The following PCSK5 variants were observed in gnomAD, a reference collection of about 807,000 sequenced individuals.
The protein encoded by PCSK5 is prohormone convertase 5.
Under a neutral mutation model 233.2 loss-of-function variants are expected in PCSK5, and 129 were observed. The ratio of observed to expected loss-of-function variants is 0.55; its 90% confidence interval spans 0.48 to 0.64. PCSK5 has a LOEUF of 0.64. PCSK5 is among the 30% of genes least tolerant of loss of function. PCSK5 has a pLI of 0.00. For missense variants in PCSK5, 2,076 were observed against 2,430.1 expected (o/e 0.85, Z 3.06); for synonymous variants, 825 against 879.2 (o/e 0.94, Z 1.09).
intron 7 of PCSK5, among the ~76,000 whole-genome samples, chr9:76,079,118 C>T (rs1014458837): frequency 2.4e-4 from 36 of 150,600 alleles, no homozygotes; most frequent in Non-Finnish European, 3.7e-4. Context: ...TTTTTTAAAT[C>T]GAGATGGAGT....
At chr9:75,969,812 C>A (rs1313054261) in intron 2 of PCSK5, among the ~76,000 whole-genome samples, 1 of 151,938 alleles carries the variant, frequency 6.6e-6, no homozygotes, top group African/African-American at 2.4e-5. Context: ...CTGAGGTCAC[C>A]CTACTTTGCA....
At position 76,323,302 on chromosome 9, in the gene PCSK5, G is replaced by A; in HGVS notation, c.4339+14G>A. The A allele has an allele frequency of 1.3e-6, 2 of 1,502,306 alleles. No homozygotes were observed. Among genetic ancestry groups the A allele is most frequent in the Non-Finnish European group, 1.8e-6 (2 of 1,081,490 alleles). The allele number at this position is 1,502,306 out of a possible 1,614,324, so 93.1% of individuals were successfully genotyped here. On this transcript the variant is annotated intron_variant, in intron 32 of 37. Coordinates refer to ENST00000674117, the MANE Select transcript of PCSK5 (RefSeq NM_001372043.1). The stretch of plus-strand genomic sequence containing the variant: ...AGGAGTGCAGAGGTAAAGACTTCTG[G>A]GATTCAAAATAGGCTCCGGGGTTTG...
intron 35 of PCSK5, among the ~76,000 whole-genome samples, chr9:76,339,084 T>C (rs898404455): frequency 2.0e-5 from 3 of 151,692 alleles, no homozygotes; most frequent in Admixed American, 6.6e-5. Flanking sequence ...AGCCAGCAGG[T>C]CACCCCAACT....
intron 2 of PCSK5, among the ~76,000 whole-genome samples, chr9:75,955,276 A>T (rs980412053): frequency 6.6e-6 from 1 of 152,124 alleles, no homozygotes; most frequent in Non-Finnish European, 1.5e-5. Context: ...TTCTGACAAA[A>T]ATATAGAGCA....
At chr9:76,294,386 A>C (rs1275206788) in intron 25 of PCSK5, among the ~76,000 whole-genome samples, 1 of 152,144 alleles carries the variant, frequency 6.6e-6, no homozygotes, top group Non-Finnish European at 1.5e-5. Flanking sequence ...ACGTACATAA[A>C]AATATTTATA....
intron 24 of PCSK5, among the ~76,000 whole-genome samples, chr9:76,245,165 T>C (rs1039812648): frequency 1.3e-5 from 2 of 152,196 alleles, no homozygotes; most frequent in Non-Finnish European, 2.9e-5. Flanking sequence ...GACTTGATGA[T>C]TGATTTTAAT....
chr9:75,967,433 T>G (rs149784843), intron 2 of PCSK5, among the ~76,000 whole-genome samples: 55 of 152,328 alleles, frequency 3.6e-4, no homozygotes, highest in African/African-American at 1.3e-3. Context: ...GATTTCATTC[T>G]TTTTTGTGGC....
intron 9 of PCSK5, among the ~76,000 whole-genome samples, chr9:76,109,851 G>A (rs1189583211): frequency 6.6e-6 from 1 of 152,162 alleles, no homozygotes; most frequent in Non-Finnish European, 1.5e-5. Flanking sequence ...AGTACTAAAA[G>A]GGTGGGTCAG....
chr9:76,313,460 GCAACCACTAATC>G (rs1258532254), intron 30 of PCSK5, among the ~76,000 whole-genome samples: 1 of 151,962 alleles, frequency 6.6e-6, no homozygotes, highest in African/African-American at 2.4e-5. Context: ...CCAGCCCTAA[GCAACCACTAATC>G]TACTTTCTAT....
intron 24 of PCSK5, among the ~76,000 whole-genome samples, chr9:76,289,372 A>C (rs1828193169): frequency 6.6e-6 from 1 of 151,984 alleles, no homozygotes. Flanking sequence ...TGACAAAATC[A>C]AATCACCCGA....
chr9:76,235,174 T>C (rs778404145), intron 22 of PCSK5, among the ~76,000 whole-genome samples: 2 of 152,204 alleles, frequency 1.3e-5, no homozygotes, highest in Non-Finnish European at 2.9e-5. Flanking sequence ...AATTAATGAA[T>C]GAATGGTTCA....
intron 7 of PCSK5, among the ~76,000 whole-genome samples, chr9:76,088,620 T>C (rs1831158554): frequency 6.6e-6 from 1 of 152,194 alleles, no homozygotes; most frequent in Non-Finnish European, 1.5e-5. Flanking sequence ...CTTAACTCGA[T>C]TCCATATAAT....
intron 3 of PCSK5, among the ~76,000 whole-genome samples, chr9:76,001,609 G>C (rs2131429037): frequency 6.6e-6 from 1 of 151,292 alleles, no homozygotes; most frequent in South Asian, 2.1e-4. Flanking sequence ...AAAACCATCT[G>C]TTTCAGCAAC....
chr9:76,322,994 C>A, intron 31 of PCSK5, 58 bp from the exon 32 acceptor site: 1 of 940,116 alleles, frequency 1.1e-6, no homozygotes, highest in Non-Finnish European at 1.6e-6. Flanking sequence ...CTACTGCAGA[C>A]AATGAATTCC....
chr9:75,890,298 G>T (rs1178449234), upstream of PCSK5, among the ~76,000 whole-genome samples: 1 of 152,198 alleles, frequency 6.6e-6, no homozygotes, highest in African/African-American at 2.4e-5. Flanking sequence ...CTCCTTAAAT[G>T]CCTAGTTATT....
intron 35 of PCSK5, among the ~76,000 whole-genome samples, chr9:76,338,801 T>A (rs1346193832): frequency 2.6e-5 from 4 of 151,984 alleles, no homozygotes; most frequent in Admixed American, 2.0e-4. Flanking sequence ...TGCCTCAAAC[T>A]CTCCCAAGCT....
chr9:76,033,398 CAG>C (rs980325829), intron 5 of PCSK5, among the ~76,000 whole-genome samples: 5 of 152,120 alleles, frequency 3.3e-5, no homozygotes, highest in African/African-American at 1.2e-4. Context: ...GGGTCAATAT[CAG>C]AGGCTGATTT....
chr9:76,017,074 A>C (rs1364207979), intron 3 of PCSK5, among the ~76,000 whole-genome samples: 1 of 152,204 alleles, frequency 6.6e-6, no homozygotes, highest in Non-Finnish European at 1.5e-5. Context: ...CAGAGTTGGA[A>C]TAGTGGTATA....
At chr9:75,894,253 G>T (rs1174473857) in intron 1 of PCSK5, among the ~76,000 whole-genome samples, 1 of 152,128 alleles carries the variant, frequency 6.6e-6, no homozygotes, top group Non-Finnish European at 1.5e-5. Flanking sequence ...CCACAGTAAA[G>T]GTATAGTTTT....
Sources: gnomAD v4.1 joint callset for allele counts (sites outside exome capture counted in the v4.1 genomes callset) on GRCh38, gnomAD v4.1.1 for gene constraint, MANE v1.5 for transcripts, NCBI Gene and HGNC (gene_info 2026-07-23, HGNC 2026-07-21) for gene names.